Variants in DNA2 observed in about 807,000 individuals in gnomAD.
The protein encoded by DNA2 is DNA replication helicase/nuclease 2, also known as DNA replication ATP-dependent helicase/nuclease DNA2.
Under a neutral mutation model 119.1 loss-of-function variants are expected in DNA2, and 101 were observed. The observed-to-expected ratio is 0.85, with a 90% CI of 0.72 to 1.00. The LOEUF is 1.00. Among genes scored for constraint, DNA2 ranks in the 50% least tolerant of loss-of-function variants. DNA2 has a pLI of 0.00. For missense variants in DNA2, 1,121 were observed against 1,255.5 expected, an observed-to-expected ratio of 0.89 and a Z score of 1.62; for synonymous variants, 366 against 424.4, an observed-to-expected ratio of 0.86 and a Z score of 1.69.
chr10:68,419,200 G>A lies in DNA2; in HGVS notation c.2801C>T (p.Pro934Leu), dbSNP rs1554902870. Reference sequence around the variant, plus strand: ...CGGTGCAATAATACCAATATCAGAGGGACTGCATCCAGCCTAAATAGAAAA... The same window carrying A: ...CGGTGCAATAATACCAATATCAGAGAGACTGCATCCAGCCTAAATAGAAAA... Reference protein sequence around the residue: ...TSIFVKAGCSPSDIGIIAPYR... With the variant: ...TSIFVKAGCSLSDIGIIAPYR... Residue 934 changes from proline (P) to leucine (L), a missense_variant, in exon 19 of 21, where the codon CCC (proline) becomes CTC (leucine). Transcript: ENST00000358410. 6 of 1,583,978 alleles carry A rather than the reference G, an allele frequency of 3.8e-6. No individual in the cohort carries two copies. Among genetic ancestry groups the A allele is most frequent in the Non-Finnish European group, 5.1e-6 (6 of 1,168,798 alleles).
chr10:68,424,819 G>GTT, intron 14 of DNA2: 3 of 978,518 alleles, frequency 3.1e-6, no homozygotes, highest in Non-Finnish European at 5.0e-6. Context: ...CAGGTGCAGC[G>GTT]TGAGTAGGCC....
intron 5 of DNA2, among the ~76,000 whole-genome samples, chr10:68,458,446 T>C (rs1002055912): frequency 7.4e-6 from 1 of 134,902 alleles, no homozygotes; most frequent in African/African-American, 3.0e-5. Flanking sequence ...GGCAGAATAA[T>C]TGCTTGAACC....
Position 68,454,494 on chromosome 10 carries a change from A to T in DNA2, c.720-4247T>A, listed in dbSNP as rs138919989. Among the ~76,000 whole-genome samples the T allele has an allele frequency of 3.7e-3, 568 of 152,204 alleles. 4 individuals are homozygous for T. Among genetic ancestry groups the T allele is most frequent in the African/African-American group, 0.013 (540 of 41,552 alleles). ...TTATGTCCAAAAAAACTACAAAAAT[A>T]GATATCTACCGTAATTTAAAATGTC... On this transcript the variant is annotated intron_variant, in intron 5 of 20. Coordinates refer to ENST00000358410, the MANE Select transcript of DNA2 (RefSeq NM_001080449.3).
chr10:68,470,831 C>T (rs190435022), intron 1 of DNA2, among the ~76,000 whole-genome samples: 1 of 152,224 alleles, frequency 6.6e-6, no homozygotes, highest in Admixed American at 6.5e-5. Flanking sequence ...TAATTTAGTC[C>T]AACCTGCTAA....
intron 9 of DNA2, among the ~76,000 whole-genome samples, chr10:68,441,150 T>G (rs576509271): frequency 6.9e-4 from 105 of 151,450 alleles, no homozygotes; most frequent in African/African-American, 2.4e-3. Context: ...CTGGGCCATA[T>G]AGCAAGACCC....
chr10:68,472,225 G>A, upstream of DNA2: 1 of 1,217,898 alleles, frequency 8.2e-7, no homozygotes, highest in Non-Finnish European at 1.0e-6. Context: ...CTCCCAAGTA[G>A]CTGGGACTAC....
chr10:68,451,186 G>A (rs2052113189), intron 5 of DNA2, among the ~76,000 whole-genome samples: 1 of 151,580 alleles, frequency 6.6e-6, no homozygotes, highest in African/African-American at 2.4e-5. Context: ...CACATCCCCA[G>A]GTGACAATCT....
intron 14 of DNA2, among the ~76,000 whole-genome samples, chr10:68,423,514 T>G (rs1285677065): frequency 6.6e-6 from 1 of 152,168 alleles, no homozygotes; most frequent in Non-Finnish European, 1.5e-5. Context: ...AAAGCCTAGC[T>G]AGACAGAAAA....
intron 6 of DNA2, among the ~76,000 whole-genome samples, chr10:68,449,000 T>C (rs1032683403): frequency 5.4e-5 from 8 of 147,426 alleles, no homozygotes; most frequent in Non-Finnish European, 8.9e-5. Context: ...AGTTTCACCA[T>C]GTTGGCCAGG....
At chr10:68,417,400 A>AAC (rs1246236112) in intron 19 of DNA2, among the ~76,000 whole-genome samples, 5 of 150,668 alleles carry the variant, frequency 3.3e-5, no homozygotes, top group South Asian at 2.1e-4. Context: ...CCAAAAAAAA[A>AAC]AAAAAAAAAA....
chr10:68,470,358 C>G (rs2052370719), intron 1 of DNA2, 195 bp from the exon 2 acceptor site: 2 of 527,212 alleles, frequency 3.8e-6, no homozygotes, highest in African/African-American at 3.8e-5. Context: ...AAAAACTTCC[C>G]AGAAGTAATG....
At chr10:68,427,566 T>C (rs1172720633) in intron 14 of DNA2, among the ~76,000 whole-genome samples, 2 of 151,168 alleles carry the variant, frequency 1.3e-5, no homozygotes, top group Non-Finnish European at 2.9e-5. Flanking sequence ...GAAAGATCAC[T>C]TGAGCCCAGA....
chr10:68,422,568 C>T lies in DNA2; in HGVS notation c.2439G>A (p.Leu813=), dbSNP rs1346293451. 1.9e-6 allele frequency: 3 copies of T among 1,614,000 alleles called. 1 individual carries two copies. Among genetic ancestry groups the T allele is most frequent in the South Asian group, 2.2e-5 (2 of 91,080 alleles). The change falls in exon 16 of 21, where the codon CTG becomes CTA. Residue 813 remains leucine, a synonymous_variant. Transcript: ENST00000358410. ...GTACAACAGCACTCTTATTCTGCTC[C>T]AGCCTCTTGAATAAGCTTTCACTCA... ...LGMSESLFKR[L]EQNKSAVVQL...
At position 68,432,212 on chromosome 10, in the gene DNA2, G is replaced by A; in HGVS notation, c.1867C>T (p.Leu623=). The A allele has an allele frequency of 6.4e-7, 1 of 1,572,688 alleles. No homozygotes were observed. The highest frequency in any genetic ancestry group is 8.6e-7 in the Non-Finnish European group (1 of 1,157,004). The part of the protein sequence containing the change: ...HDAKDTVACI[L]KGLNKPQRQA... The stretch of plus-strand genomic sequence containing the variant: ...CATGGTGATTTTAGCATACCCTTTA[G>A]AATGCAGGCAACTGTATCCTTTGCA... The change falls in exon 12 of 21, where the codon CTA becomes TTA. Residue 623 remains leucine, a synonymous_variant. Transcript: ENST00000358410.
chr10:68,418,817 C>T (rs1196081158), intron 19 of DNA2, among the ~76,000 whole-genome samples: 3 of 151,638 alleles, frequency 2.0e-5, no homozygotes, highest in Admixed American at 1.3e-4. Context: ...GGATTACAGG[C>T]GCCTGCCACC....
chr10:68,434,453 G>A (rs960957725), intron 10 of DNA2, among the ~76,000 whole-genome samples: 5 of 149,852 alleles, frequency 3.3e-5, no homozygotes, highest in Admixed American at 2.7e-4. Context: ...TTCAAGACCA[G>A]GCTGGGCAAC....
In DNA2 at chr10:68,446,216, G is replaced by T. The variant is rs371371232; in HGVS notation, c.1057+80C>A. ...ACCTATTAAGTGCTGTGAGTAGATT[G>T]TCAGGTATAAATATGTATCACTAGA... On this transcript the variant is annotated intron_variant, in intron 7 of 20. Transcript: ENST00000358410. 2.2e-5 allele frequency: 16 copies of T among 725,094 alleles called. 1 individual carries two copies. The highest frequency in any genetic ancestry group is 7.2e-5 in the African/African-American group (4 of 55,904). 44.9% of individuals were successfully genotyped at this position (725,094 alleles called of 1,614,324 possible). A position where few individuals can be genotyped will look rare whatever the true frequency, so the allele number is the denominator to read the frequency against.
chr10:68,440,347 G>T (rs538022111), intron 9 of DNA2, among the ~76,000 whole-genome samples: 1 of 151,946 alleles, frequency 6.6e-6, no homozygotes, highest in Non-Finnish European at 1.5e-5. Context: ...GACTAGGCTG[G>T]AGTATAGTGG....
chr10:68,430,303 G>A, intron 14 of DNA2, 133 bp downstream of exon 14: 1 of 656,112 alleles, frequency 1.5e-6, no homozygotes, highest in South Asian at 2.0e-5. Context: ...TTAATAAACT[G>A]GTCGTATAGT....
Sources: gnomAD v4.1 joint callset for allele counts (sites outside exome capture counted in the v4.1 genomes callset) on GRCh38, gnomAD v4.1.1 for gene constraint, MANE v1.5 for transcripts, NCBI Gene and HGNC (gene_info 2026-07-23, HGNC 2026-07-21) for gene names.